Variants in HK2 observed in about 807,000 individuals in gnomAD.
The protein encoded by HK2 is hexokinase 2.
In HK2, 42 loss-of-function variants were observed where a neutral mutation model predicts 92.9. The observed-to-expected ratio is 0.45, with a 90% CI of 0.35 to 0.58. The LOEUF (loss-of-function observed/expected upper bound fraction) is 0.58. Among genes scored for constraint, HK2 ranks in the 20% least tolerant of loss-of-function variants. The pLI is 0.00. For missense variants in HK2, 978 were observed against 1,245.1 expected (o/e 0.79, Z 3.23); for synonymous variants, 422 against 468.0 (o/e 0.90, Z 1.27).
intron 2 of HK2, among the ~76,000 whole-genome samples, chr2:74,862,546 C>T (rs911371007): frequency 2.0e-5 from 3 of 152,198 alleles, no homozygotes; most frequent in East Asian, 3.9e-4. Flanking sequence ...GGAGACCGGG[C>T]TGGTGATACG....
In HK2 at chr2:74,870,840, C is replaced by A. The variant is rs116221924; in HGVS notation, c.376-1460C>A. Among the ~76,000 whole-genome samples the A allele has an allele frequency of 4.4e-3, 667 of 152,194 alleles. 5 individuals carry two copies. Among genetic ancestry groups the A allele is most frequent in the African/African-American group, 0.015 (636 of 41,522 alleles). ...CTTGAAAATGTTTTGGTTTGGAGGT[C>A]GAAGGTTCAGCCTCAGCTGTTGTTA... On this transcript the variant is annotated intron_variant, in intron 3 of 17. Transcript: ENST00000290573.
At chr2:74,840,918 G>A (rs1347470164) in intron 1 of HK2, among the ~76,000 whole-genome samples, 6 of 150,314 alleles carry the variant, frequency 4.0e-5, no homozygotes, top group Non-Finnish European at 8.9e-5. Flanking sequence ...GTGGGGGTTG[G>A]GATGTGGCAA....
rs1018774953 is a variant in HK2 at position 74,879,401 on chromosome 2, G to A, written c.1265+480G>A. 3.9e-5 allele frequency among the ~76,000 whole-genome samples: 6 copies of A among 152,296 alleles called. No individual in the cohort carries two copies. In the East Asian group the frequency reaches 1.2e-3, roughly 29 times the overall value. ...ACATGTCAGCTGAGACCTGGAAGAT[G>A]TCTCTTTATTGTGCCTACTTATTTC... is the stretch of plus-strand genomic sequence containing the variant. On this transcript the variant is annotated intron_variant, in intron 9 of 17. Coordinates refer to ENST00000290573, the MANE Select transcript of HK2 (RefSeq NM_000189.5).
chr2:74,882,670 C>A (rs1241339975), intron 12 of HK2, among the ~76,000 whole-genome samples: 3 of 136,548 alleles, frequency 2.2e-5, no homozygotes, highest in African/African-American at 8.1e-5. Context: ...AGGTTTCTTA[C>A]CTGCATTATC....
rs767711698 is a variant in HK2, at chr2:74,881,838, C to T, written c.1698C>T (p.Val566=). 2 of 1,614,160 alleles carry T rather than the reference C, an allele frequency of 1.2e-6. No homozygotes were observed. The highest frequency in any genetic ancestry group is 4.5e-5 in the East Asian group (2 of 44,876). ...AGATCTACGCCATCCCGCAGGAGGT[C>T]ATGCACGGCACCGGGGACGAGGTGA... The part of the protein sequence containing the change: ...HNKIYAIPQE[V]MHGTGDELFD... The change falls in exon 11 of 18, where the codon GTC becomes GTT. Residue 566 remains valine, a synonymous_variant. Transcript: ENST00000290573.
intron 16 of HK2, among the ~76,000 whole-genome samples, chr2:74,888,714 G>A (rs1026518155): frequency 3.9e-5 from 6 of 152,206 alleles, no homozygotes; most frequent in East Asian, 3.8e-4. Flanking sequence ...TATGTTCAGC[G>A]AGGTGATTCC....
At chr2:74,862,380 A>G (rs1688850860) in intron 2 of HK2, among the ~76,000 whole-genome samples, 1 of 152,230 alleles carries the variant, frequency 6.6e-6, no homozygotes, top group Admixed American at 6.5e-5. Context: ...CTCATTCAAC[A>G]GTCCTCTCCG....
In HK2 at chr2:74,834,362, C is replaced by T. The variant is rs1247132856; in HGVS notation, c.-219C>T. The T allele has an allele frequency of 3.2e-6, 2 of 618,802 alleles. No individual in the cohort carries two copies. The highest frequency in any genetic ancestry group is 2.8e-5 in the East Asian group (1 of 35,852). 38.3% of individuals were successfully genotyped at this position (618,802 alleles called of 1,614,324 possible). A position where few individuals can be genotyped will look rare whatever the true frequency, so the allele number is the denominator to read the frequency against. ...CGTCGCCAGGAGAGAACTGAGGCGC[C>T]TTCTAGCAGTTGTGACGCCAAAATC... On this transcript the variant is annotated 5_prime_UTR_variant, in exon 1 of 18. Coordinates refer to ENST00000290573, the MANE Select transcript of HK2 (RefSeq NM_000189.5). The surrounding 1 kb of genome is among the most constrained non-coding windows in gnomAD (Gnocchi z 4.2).
intron 2 of HK2, among the ~76,000 whole-genome samples, 172 bp downstream of exon 2, chr2:74,854,627 A>C (rs1315159167): frequency 6.6e-6 from 1 of 152,234 alleles, no homozygotes; most frequent in Non-Finnish European, 1.5e-5. Flanking sequence ...GCTTGGGAAA[A>C]GCTGGCAGTC....
intron 1 of HK2, among the ~76,000 whole-genome samples, chr2:74,848,756 A>G (rs1242673164): frequency 6.6e-6 from 1 of 152,192 alleles, no homozygotes; most frequent in Non-Finnish European, 1.5e-5. Flanking sequence ...TAATTTGATC[A>G]AGGCCAGGTT....
chr2:74,851,404 A>G (rs1688564105), intron 1 of HK2, among the ~76,000 whole-genome samples: 1 of 152,238 alleles, frequency 6.6e-6, no homozygotes, highest in South Asian at 2.1e-4. Context: ...GCAAAAGGCA[A>G]CGTGGATAAA....
rs747474999 is a variant in HK2, at chr2:74,872,426, TG to T, written c.495+10del. On this transcript the variant is annotated splice_region_variant and intron_variant, in intron 4 of 17. Coordinates refer to ENST00000290573, the MANE Select transcript of HK2 (RefSeq NM_000189.5). ...CCAGACTAAACTAGACGAGGTAAGA[TG>T]GGCTCCTCAGACACTTGTTGCTTCA... The T allele has an allele frequency of 1.2e-6, 2 of 1,613,844 alleles. No homozygotes were observed. Among genetic ancestry groups the T allele is most frequent in the South Asian group, 2.2e-5 (2 of 91,076 alleles).
intron 1 of HK2, among the ~76,000 whole-genome samples, chr2:74,846,027 A>T (rs147292728): frequency 3.8e-4 from 58 of 152,330 alleles, no homozygotes; most frequent in African/African-American, 1.3e-3. Flanking sequence ...TGGTCACTGG[A>T]TGCTATGGGT....
chr2:74,848,359 AAATATT>A (rs1688492521), intron 1 of HK2, among the ~76,000 whole-genome samples: 1 of 152,260 alleles, frequency 6.6e-6, no homozygotes, highest in African/African-American at 2.4e-5. Flanking sequence ...AATTGTAATA[AAATATT>A]AATCACAAAA....
At chr2:74,857,493 A>G (rs2103898045) in intron 2 of HK2, among the ~76,000 whole-genome samples, 1 of 152,214 alleles carries the variant, frequency 6.6e-6, no homozygotes. Context: ...AATAATGTTC[A>G]TTACAGTGTT....
rs761044934 is a variant in HK2 at position 74,874,248 on chromosome 2, C to T, written c.692-18C>T. The T allele has an allele frequency of 8.7e-6, 14 of 1,613,920 alleles. No homozygotes were observed. The East Asian group carries it at 8.9e-5, about 10-fold the overall frequency. ...GGGCCGGAGCAGGCGTGTGCATAGC[C>T]GTCCCTTGTTTTGGCAGGCACGGGC... On this transcript the variant is annotated intron_variant, in intron 6 of 17. Transcript: ENST00000290573.
intron 2 of HK2, among the ~76,000 whole-genome samples, chr2:74,864,536 TG>T (rs1688903386): frequency 6.6e-6 from 1 of 152,150 alleles, no homozygotes; most frequent in South Asian, 2.1e-4. Flanking sequence ...AGACAGAGTC[TG>T]GCTCTATTGC....
rs1235247724 is a variant in HK2, at chr2:74,882,159, G to A, written c.1759G>A (p.Glu587Lys). 6.2e-7 allele frequency: 1 copy of A among 1,614,140 alleles called. No individual in the cohort carries two copies. Among genetic ancestry groups the A allele is most frequent in the Non-Finnish European group, 8.5e-7 (1 of 1,180,014 alleles). The change falls in exon 12 of 18, where the codon GAG (glutamate) becomes AAG (lysine). Residue 587 changes from glutamate (E) to lysine (K), a missense_variant. By Grantham distance (56) the Glu-to-Lys change is moderately conservative. Transcript: ENST00000290573. ...HIVQCIADFLEYMGMKGVSLP... is the reference protein window; with the variant it reads ...HIVQCIADFLKYMGMKGVSLP... Reference sequence around the variant, plus strand: ...TGTCCAGTGCATCGCGGACTTCCTCGAGTACATGGGCATGAAGGGCGTGTC... The same window carrying A: ...TGTCCAGTGCATCGCGGACTTCCTCAAGTACATGGGCATGAAGGGCGTGTC...
At chr2:74,889,615 G>A in intron 17 of HK2, 137 bp downstream of exon 17, 1 of 745,052 alleles carries the variant, frequency 1.3e-6, no homozygotes, top group East Asian at 2.7e-5. Flanking sequence ...ATGGATTATA[G>A]TTTAAAGATT....
Sources: allele counts gnomAD v4.1 joint callset (sites outside exome capture counted in the v4.1 genomes callset), GRCh38; gene constraint gnomAD v4.1.1; non-coding constraint Gnocchi (gnomAD v3.1); transcripts MANE v1.5; gene names NCBI Gene and HGNC (gene_info 2026-07-23, HGNC 2026-07-21).